The following HOXC4 variants were observed in gnomAD, a reference collection of about 807,000 sequenced individuals.
HOXC4 encodes the protein homeobox protein Hox-C4.
HOXC4 carries 15 observed loss-of-function variants against 25.5 expected under a neutral mutation model. The ratio of observed to expected loss-of-function variants is 0.59; its 90% CI spans 0.39 to 0.91. HOXC4 has a LOEUF of 0.91. HOXC4 is among the 40% of genes least tolerant of loss of function. The probability of loss-of-function intolerance (pLI) is 0.00; values close to 1 mark genes in which losing one functional copy is unlikely to be tolerated. For synonymous variants in HOXC4, 165 were observed against 148.0 expected (o/e 1.11, Z -0.83); for missense variants, 342 against 352.4 (o/e 0.97, Z 0.24).
At chr12:54,019,253 G>A (rs1221805476) in intron 1 of HOXC4, among the ~76,000 whole-genome samples, 1 of 130,492 alleles carries the variant, frequency 7.7e-6, no homozygotes, top group Non-Finnish European at 1.5e-5. Context: ...CCTTGTTTAC[G>A]ATCGAGAAAA....
intron 1 of HOXC4, chr12:54,019,920 G>T: frequency 6.6e-6 from 1 of 152,130 alleles, no homozygotes. Context: ...CAAGACAGAG[G>T]CAAGCAGAGA....
At chr12:54,036,189 T>A (rs1158617750) in intron 1 of HOXC4, among the ~76,000 whole-genome samples, 4 of 152,090 alleles carry the variant, frequency 2.6e-5, no homozygotes, top group Non-Finnish European at 4.4e-5. Context: ...GCTCCTGGGA[T>A]GGGCTGGGGG....
chr12:54,042,745 G>A (rs1941294954), intron 1 of HOXC4, among the ~76,000 whole-genome samples: 1 of 152,140 alleles, frequency 6.6e-6, no homozygotes. Flanking sequence ...GTTTTGGGGT[G>A]AATGATTCAA....
chr12:54,023,746 A>T (rs943834312), intron 1 of HOXC4, among the ~76,000 whole-genome samples: 42 of 152,164 alleles, frequency 2.8e-4, no homozygotes, highest in Admixed American at 1.3e-3. Context: ...TCCATGCCTA[A>T]ACTTTGAAAG....
upstream of HOXC4, among the ~76,000 whole-genome samples, chr12:54,051,216 G>T (rs1164348922): frequency 6.6e-6 from 1 of 152,028 alleles, no homozygotes. Context: ...CCAGGTACAG[G>T]CCTAGAAGGG....
chr12:54,041,984 T>TTC (rs1941283026), intron 1 of HOXC4, among the ~76,000 whole-genome samples: 2 of 145,680 alleles, frequency 1.4e-5, no homozygotes, highest in African/African-American at 5.3e-5. Flanking sequence ...TTTCTTTTTT[T>TTC]TTTTTTTTTT....
chr12:54,042,214 A>G (rs1369541143), intron 1 of HOXC4, among the ~76,000 whole-genome samples: 2 of 151,674 alleles, frequency 1.3e-5, no homozygotes, highest in African/African-American at 4.8e-5. Flanking sequence ...CTGACATCAG[A>G]TGATCCGCCT....
rs780323507 is a variant in HOXC4 at position 54,054,308 on chromosome 12, C to G, written c.386C>G (p.Ala129Gly). ...QPAPDHPSSA[A>G]SKQPIVYPWM... Reference sequence around the variant, plus strand: ...GCCCCCGACCATCCCTCCAGCGCCGCCAGCAAGCAACCCATAGTCTACCCA... The same window carrying G: ...GCCCCCGACCATCCCTCCAGCGCCGGCAGCAAGCAACCCATAGTCTACCCA... Residue 129 changes from alanine (A) to glycine (G), a missense_variant, in exon 1 of 2, where the codon GCC becomes GGC. Coordinates refer to ENST00000430889, the MANE Select transcript of HOXC4 (RefSeq NM_153633.3). 1 of 1,605,950 alleles carries G rather than the reference C, an allele frequency of 6.2e-7. No individual in the cohort carries two copies. Among genetic ancestry groups the G allele is most frequent in the East Asian group, 2.2e-5 (1 of 44,730 alleles).
intron 1 of HOXC4, chr12:54,028,432 C>G: frequency 7.2e-7 from 1 of 1,389,918 alleles, no homozygotes; most frequent in Non-Finnish European, 9.9e-7. Context: ...TGGATTGGAG[C>G]CGTCCCTATA....
chr12:54,048,568 A>G (rs1937775701), intron 1 of HOXC4, among the ~76,000 whole-genome samples: 1 of 152,150 alleles, frequency 6.6e-6, no homozygotes, highest in African/African-American at 2.4e-5. Flanking sequence ...TGACCCGACC[A>G]AGTCCTCATG....
chr12:54,025,828 C>A (rs562891805), intron 1 of HOXC4, among the ~76,000 whole-genome samples: 1 of 152,146 alleles, frequency 6.6e-6, no homozygotes, highest in Non-Finnish European at 1.5e-5. Flanking sequence ...TTTGGGGCCC[C>A]TTTCCTCTCC....
At chr12:54,048,767 G>C (rs1300059793) in intron 1 of HOXC4, among the ~76,000 whole-genome samples, 1 of 152,168 alleles carries the variant, frequency 6.6e-6, no homozygotes, top group Non-Finnish European at 1.5e-5. Flanking sequence ...TCTTAAAAGT[G>C]TTTCCAGCTT....
chr12:54,034,388 G>T (rs1178003525), intron 1 of HOXC4: 3 of 1,614,206 alleles, frequency 1.9e-6, no homozygotes, highest in South Asian at 1.1e-5. Context: ...CATAGAGATC[G>T]CCAACAACTT....
intron 1 of HOXC4, 108 bp downstream of exon 1, chr12:54,054,469 T>G: frequency 4.8e-6 from 3 of 621,138 alleles, no homozygotes; most frequent in Non-Finnish European, 5.4e-6. Flanking sequence ...CTTCCCCCTC[T>G]CTCTCCAGGA....
chr12:54,031,876 C>T (rs1357895361), intron 1 of HOXC4, among the ~76,000 whole-genome samples: 1 of 152,192 alleles, frequency 6.6e-6, no homozygotes, highest in Non-Finnish European at 1.5e-5. Context: ...CCCCCAGGTC[C>T]GCCCCATTCC....
chr12:54,025,531 G>A (rs897414919), intron 1 of HOXC4, among the ~76,000 whole-genome samples: 1 of 44,534 alleles, frequency 2.2e-5, no homozygotes, highest in African/African-American at 7.2e-5. Flanking sequence ...GGTAATTGGG[G>A]GGGGGGGAGG....
At chr12:54,023,563 G>A (rs1412858373) in intron 1 of HOXC4, among the ~76,000 whole-genome samples, 1 of 152,212 alleles carries the variant, frequency 6.6e-6, no homozygotes, top group Non-Finnish European at 1.5e-5. Context: ...CCTTGGAGGT[G>A]TTTGGGGGCA....
upstream of HOXC4, among the ~76,000 whole-genome samples, chr12:54,048,945 G>T (rs1371412009): frequency 6.6e-6 from 1 of 152,152 alleles, no homozygotes; most frequent in Non-Finnish European, 1.5e-5. Context: ...GCACAGCAAG[G>T]TTCCTGCATC....
intron 1 of HOXC4, among the ~76,000 whole-genome samples, chr12:54,040,872 G>A (rs1941261191): frequency 6.6e-6 from 1 of 152,188 alleles, no homozygotes; most frequent in South Asian, 2.1e-4. Flanking sequence ...AGGGAAGGGA[G>A]CAAAAGTGGA....
Sources: gnomAD v4.1 joint callset for allele counts (sites outside exome capture counted in the v4.1 genomes callset) on GRCh38, gnomAD v4.1.1 for gene constraint, MANE v1.5 for transcripts, NCBI Gene and HGNC (gene_info 2026-07-23, HGNC 2026-07-21) for gene names.